The following LAD1 variants were observed in gnomAD, a reference collection of about 807,000 sequenced individuals.
LAD1 encodes ladinin 1, also known as ladinin-1.
Under a neutral mutation model 54.2 loss-of-function variants are expected in LAD1, and 53 were observed. That is an observed-to-expected ratio of 0.98 (90% CI 0.78 to 1.23). The LOEUF is 1.23. Among genes scored for constraint, LAD1 ranks in the 50% most tolerant of loss-of-function variants. The probability of loss-of-function intolerance (pLI) is 0.00; values close to 1 mark genes in which losing one functional copy is unlikely to be tolerated. For synonymous variants in LAD1, 231 were observed against 257.7 expected (o/e 0.90, Z 0.99); for missense variants, 637 against 653.3 (o/e 0.98, Z 0.27).
intron 1 of LAD1, among the ~76,000 whole-genome samples, chr1:201,392,798 A>G (rs565556019): frequency 6.6e-6 from 1 of 152,182 alleles, no homozygotes; most frequent in African/African-American, 2.4e-5. Context: ...ATGAAAAAAA[A>G]AAACATTGAA....
intron 4 of LAD1, among the ~76,000 whole-genome samples, chr1:201,385,326 G>A (rs1472107115): frequency 4.6e-5 from 7 of 152,206 alleles, no homozygotes; most frequent in Admixed American, 3.3e-4. Flanking sequence ...GGGAGCAGTA[G>A]GAGAGCCTTG....
At position 201,387,141 on chromosome 1, in the gene LAD1, G is replaced by A. The variant is rs368638299; in HGVS notation, c.220C>T (p.Leu74=). ...SVEEAEVPKP[L]PPASKDEDED... Reference sequence around the variant, plus strand: ...TCCTCATCTTTGGAGGCTGGGGGCAGTGGCTTGGGCACCTCTGCTTCTTCC... The same window carrying A: ...TCCTCATCTTTGGAGGCTGGGGGCAATGGCTTGGGCACCTCTGCTTCTTCC... The change falls in exon 3 of 10, where the codon CTG becomes TTG. Residue 74 remains leucine, a synonymous_variant. Transcript: ENST00000391967. 1.7e-5 allele frequency: 26 copies of A among 1,540,636 alleles called. No individual in the cohort carries two copies. Among genetic ancestry groups the A allele is most frequent in the Non-Finnish European group, 2.1e-5 (24 of 1,146,614 alleles).
At chr1:201,382,862 T>C (rs1228471408) in intron 7 of LAD1, 123 bp from the exon 8 acceptor site, 33 of 949,306 alleles carry the variant, frequency 3.5e-5, no homozygotes, top group Non-Finnish European at 5.1e-5. Flanking sequence ...ATGCCACATA[T>C]ACCTGGGACA....
At chr1:201,384,899 T>G in intron 4 of LAD1, 64 bp from the exon 5 acceptor site, 1 of 1,510,564 alleles carries the variant, frequency 6.6e-7, no homozygotes, top group Non-Finnish European at 9.2e-7. Context: ...CCCCCTCGAG[T>G]GAGGAGCCCA....
intron 2 of LAD1, among the ~76,000 whole-genome samples, chr1:201,388,659 G>T (rs898452880): frequency 6.7e-6 from 1 of 149,360 alleles, no homozygotes; most frequent in Non-Finnish European, 1.5e-5. Context: ...CTCCAGCCTA[G>T]CGACACAGCG....
intron 1 of LAD1, 105 bp from the exon 2 acceptor site, chr1:201,389,408 G>T: frequency 1.5e-6 from 2 of 1,341,200 alleles, no homozygotes; most frequent in Non-Finnish European, 1.0e-6. Flanking sequence ...CTCTAGGCCT[G>T]CACTGGCTAC....
chr1:201,392,067 C>G (rs1374436464), intron 1 of LAD1, among the ~76,000 whole-genome samples: 1 of 152,268 alleles, frequency 6.6e-6, no homozygotes, highest in African/African-American at 2.4e-5. Flanking sequence ...AGCCTGTCTC[C>G]TCCACAGGGA....
At chr1:201,394,165 A>G (rs1662245824) in intron 1 of LAD1, among the ~76,000 whole-genome samples, 1 of 152,194 alleles carries the variant, frequency 6.6e-6, no homozygotes, top group East Asian at 1.9e-4. Flanking sequence ...CAAATGTGGA[A>G]CAGCAAGTAA....
Position 201,383,226 on chromosome 1 carries a change from C to T in LAD1, c.1249-15G>A. The T allele has an allele frequency of 6.2e-7, 1 of 1,613,902 alleles. No individual in the cohort carries two copies. The highest frequency in any genetic ancestry group is 1.3e-5 in the African/African-American group (1 of 75,038). On this transcript the variant is annotated splice_polypyrimidine_tract_variant and intron_variant, in intron 6 of 9. Transcript: ENST00000391967. The stretch of plus-strand genomic sequence containing the variant: ...GATTCTGATCTCTGGGAACCAAGAA[C>T]ACCAACAGCTGACCCATGCTGGGGA...
intron 1 of LAD1, among the ~76,000 whole-genome samples, chr1:201,397,608 T>C (rs1019219382): frequency 7.9e-5 from 12 of 151,450 alleles, no homozygotes; most frequent in African/African-American, 2.9e-4. Context: ...AAATCACATA[T>C]ATCCCACCAG....
intron 1 of LAD1, among the ~76,000 whole-genome samples, chr1:201,394,913 A>T (rs1361939211): frequency 6.6e-6 from 1 of 152,096 alleles, no homozygotes; most frequent in Non-Finnish European, 1.5e-5. Context: ...CAGCTCCCAC[A>T]TGCCACCCTC....
intron 1 of LAD1, among the ~76,000 whole-genome samples, chr1:201,395,990 C>T (rs930170989): frequency 1.3e-5 from 2 of 152,232 alleles, no homozygotes; most frequent in African/African-American, 4.8e-5. Context: ...AAGAGGGCAT[C>T]TGAAGGTGTG....
At chr1:201,387,325 C>G in intron 2 of LAD1, 147 bp from the exon 3 acceptor site, 1 of 725,750 alleles carries the variant, frequency 1.4e-6, no homozygotes, top group Non-Finnish European at 2.0e-6. Flanking sequence ...CCACCTTTAT[C>G]CACTCGATAT....
chr1:201,397,236 C>T (rs1662306969), intron 1 of LAD1: 1 of 152,524 alleles, frequency 6.6e-6, no homozygotes, highest in Admixed American at 6.5e-5. Context: ...ACAGCCCTTT[C>T]CTGCCTGCCC....
chr1:201,382,287 ACT>A lies in LAD1; in HGVS notation c.1511_1512del (p.Gln504LeufsTer6). ...AGCGAGGAGTCAGATTTCTGTCCCC[ACT>A]GAGTCCTCTCGGTTGCAGATGATGC... ...QKASSATERT[Q>X]WGQKSDSSLD... On this transcript the variant is annotated frameshift_variant, in exon 9 of 10. Transcript: ENST00000391967. LOFTEE classifies it high-confidence loss of function. 2 of 1,613,806 alleles carry A rather than the reference ACT, an allele frequency of 1.2e-6. No homozygotes were observed. Among genetic ancestry groups the A allele is most frequent in the Non-Finnish European group, 1.7e-6 (2 of 1,179,898 alleles).
rs760895151 is a variant in LAD1, at chr1:201,386,630, G to A, written c.731C>T (p.Ala244Val). 3 of 1,614,132 alleles carry A rather than the reference G, an allele frequency of 1.9e-6. No homozygotes were observed. Among genetic ancestry groups the A allele is most frequent in the Admixed American group, 1.7e-5 (1 of 60,024 alleles). ...EKTSVSEKSL[A>V]PGMALGSGRR... Reference sequence around the variant, plus strand: ...TCCTGAGCCCAGTGCCATCCCTGGGGCCAGCGACTTCTCAGAGACACTGGT... The same window carrying A: ...TCCTGAGCCCAGTGCCATCCCTGGGACCAGCGACTTCTCAGAGACACTGGT... Residue 244 changes from alanine to valine, a missense_variant, in exon 3 of 10, where the codon GCC becomes GTC. By Grantham distance (64) the Ala-to-Val change is moderately conservative. Coordinates refer to ENST00000391967, the MANE Select transcript of LAD1 (RefSeq NM_005558.4).
At chr1:201,389,398 C>G (rs759685999) in intron 1 of LAD1, 95 bp from the exon 2 acceptor site, 3 of 1,437,122 alleles carry the variant, frequency 2.1e-6, no homozygotes, top group African/African-American at 2.8e-5. Context: ...ACCAAATGCC[C>G]TCTAGGCCTG....
Position 201,386,893 on chromosome 1 carries a change from C to T in LAD1, c.468G>A (p.Leu156=). The T allele has an allele frequency of 1.9e-6, 3 of 1,613,872 alleles. No homozygotes were observed. The highest frequency in any genetic ancestry group is 8.5e-7 in the Non-Finnish European group (1 of 1,180,022). The change falls in exon 3 of 10, where the codon CTG becomes CTA. Residue 156 remains leucine (L), a synonymous_variant. Transcript: ENST00000391967. ...LSREQRGPWA[L]EEESLVGREP... is the part of the protein sequence containing the mutation. The stretch of plus-strand genomic sequence containing the variant: ...CCCTGCCCACCAAGCTCTCCTCCTC[C>T]AGGGCCCAGGGGCCCCGCTGTTCCC...
rs532866219 is a variant in LAD1, at chr1:201,389,146, A to C, written c.182+14T>G. 1 of 1,611,830 alleles carries C rather than the reference A, an allele frequency of 6.2e-7. No individual in the cohort carries two copies. The highest frequency in any genetic ancestry group is 1.3e-5 in the African/African-American group (1 of 75,010). ...TCCATCCCCATCCATCAGGATAGAA[A>C]CCTGAGCACCTACCTCTCAGAAGCA... On this transcript the variant is annotated intron_variant, in intron 2 of 9. Transcript: ENST00000391967.
Sources: gnomAD v4.1 joint callset for allele counts (sites outside exome capture counted in the v4.1 genomes callset) on GRCh38, gnomAD v4.1.1 for gene constraint, MANE v1.5 for transcripts, NCBI Gene and HGNC (gene_info 2026-07-23, HGNC 2026-07-21) for gene names.